The following ARHGAP12 variants were observed in gnomAD, a reference collection of about 807,000 sequenced individuals.
The protein encoded by ARHGAP12 is Rho GTPase activating protein 12.
Under a neutral mutation model 108.6 loss-of-function variants are expected in ARHGAP12, and 64 were observed. The observed-to-expected ratio is 0.59, with a 90% CI of 0.48 to 0.73. The LOEUF (loss-of-function observed/expected upper bound fraction) is 0.73, where lower values mean the gene tolerates loss of function less well. Ranked by LOEUF, ARHGAP12 falls within the 30% of genes least tolerant of loss-of-function variation. The probability of loss-of-function intolerance (pLI) is 0.00; values close to 1 mark genes in which losing one functional copy is unlikely to be tolerated. For missense variants in ARHGAP12, 940 were observed against 1,005.9 expected (o/e 0.93, Z 0.89); for synonymous variants, 312 against 337.2 (o/e 0.93, Z 0.82).
chr10:31,925,463 A>G (rs1278514748), intron 1 of ARHGAP12, among the ~76,000 whole-genome samples: 5 of 152,226 alleles, frequency 3.3e-5, no homozygotes, highest in Admixed American at 3.3e-4. Flanking sequence ...TTAGTATGGT[A>G]CATTTGTCAT....
Position 31,858,427 on chromosome 10 carries a change from G to A in ARHGAP12, c.948+2968C>T, listed in dbSNP as rs183648421. Among the ~76,000 whole-genome samples the A allele has an allele frequency of 2.2e-3, 331 of 151,984 alleles. 2 individuals are homozygous for A. The highest frequency in any genetic ancestry group is 6.8e-3 in the Middle Eastern group (2 of 292). ...TTTACACTATGCATAGACTAACTAC[G>A]CATGCTAAAGCTGGGCATGGTGGCC... On this transcript the variant is annotated intron_variant, in intron 4 of 19. Coordinates refer to ENST00000344936, the MANE Select transcript of ARHGAP12 (RefSeq NM_018287.7).
At chr10:31,895,938 AG>A (rs1466338023) in intron 3 of ARHGAP12, among the ~76,000 whole-genome samples, 1 of 152,182 alleles carries the variant, frequency 6.6e-6, no homozygotes, top group African/African-American at 2.4e-5. Context: ...TGTCCTTTGT[AG>A]GGACATGGAT....
intron 6 of ARHGAP12, among the ~76,000 whole-genome samples, chr10:31,846,906 T>TA (rs1165217238): frequency 6.7e-6 from 1 of 148,658 alleles, no homozygotes; most frequent in Non-Finnish European, 1.5e-5. Flanking sequence ...TTCATTTTTT[T>TA]TTTTTTTTTT....
intron 3 of ARHGAP12, among the ~76,000 whole-genome samples, chr10:31,888,364 C>G (rs1193666255): frequency 6.6e-6 from 1 of 152,170 alleles, no homozygotes; most frequent in African/African-American, 2.4e-5. Context: ...CAAGCCAAGA[C>G]AGACTCTTTC....
chr10:31,901,559 G>A (rs1262821538), intron 3 of ARHGAP12, among the ~76,000 whole-genome samples: 50 of 118,924 alleles, frequency 4.2e-4, no homozygotes, highest in African/African-American at 1.7e-3. Flanking sequence ...AAAAAAAAAA[G>A]TTTGAAACTA....
rs1835607687 is a variant in ARHGAP12, at chr10:31,826,387, T to G, written c.1449-2A>C. ...GCCCAAGAAGACAACCAGTTCTTTC[T>G]GTAATTATAAAGATGACCGATTAAA... On this transcript the variant is annotated splice_acceptor_variant, in intron 10 of 19. Transcript: ENST00000344936. LOFTEE classifies it high-confidence loss of function. 1 of 1,607,582 alleles carries G rather than the reference T, an allele frequency of 6.2e-7. No homozygotes were observed. The highest frequency in any genetic ancestry group is 8.5e-7 in the Non-Finnish European group (1 of 1,177,438).
chr10:31,908,995 A>G (rs917961815), intron 2 of ARHGAP12, 69 bp from the exon 3 acceptor site: 45 of 828,336 alleles, frequency 5.4e-5, no homozygotes, highest in Non-Finnish European at 8.0e-5. Flanking sequence ...GTATTTACTC[A>G]CAAGCATCAT....
chr10:31,897,306 C>T (rs1838740336), intron 3 of ARHGAP12, among the ~76,000 whole-genome samples: 1 of 152,058 alleles, frequency 6.6e-6, no homozygotes, highest in Non-Finnish European at 1.5e-5. Flanking sequence ...CCTGGTCTTG[C>T]CTAAGGGAAA....
intron 3 of ARHGAP12, among the ~76,000 whole-genome samples, chr10:31,886,445 T>C (rs1838192997): frequency 6.6e-6 from 1 of 152,178 alleles, no homozygotes; most frequent in Non-Finnish European, 1.5e-5. Context: ...CTTTGGCCTT[T>C]AAATATAACA....
intron 10 of ARHGAP12, among the ~76,000 whole-genome samples, chr10:31,831,524 C>T (rs1835833903): frequency 6.6e-6 from 1 of 152,032 alleles, no homozygotes; most frequent in African/African-American, 2.4e-5. Context: ...GAACCCTCTG[C>T]CTCATTACCT....
At chr10:31,886,751 GA>G (rs919280935) in intron 3 of ARHGAP12, among the ~76,000 whole-genome samples, 1 of 152,082 alleles carries the variant, frequency 6.6e-6, no homozygotes, top group Non-Finnish European at 1.5e-5. Context: ...TGATTCTGAT[GA>G]AACTGTCAAT....
At chr10:31,927,547 A>G (rs1840101058) in intron 1 of ARHGAP12, among the ~76,000 whole-genome samples, 1 of 152,192 alleles carries the variant, frequency 6.6e-6, no homozygotes, top group South Asian at 2.1e-4. Context: ...AATAGTCGAT[A>G]AAATCTACTT....
Position 31,807,538 on chromosome 10 carries a change from A to C in ARHGAP12, c.*120T>G. ...CTCTCCCCTTCCCTTCTGATCCCTC[A>C]AAAAAAAAGTGCAAAATCAAAGAGT... is the stretch of plus-strand genomic sequence containing the variant. On this transcript the variant is annotated 3_prime_UTR_variant, in exon 20 of 20. Coordinates refer to ENST00000344936, the MANE Select transcript of ARHGAP12 (RefSeq NM_018287.7). 1.2e-6 allele frequency: 1 copy of C among 863,738 alleles called. No individual in the cohort carries two copies. Among genetic ancestry groups the C allele is most frequent in the South Asian group, 2.4e-5 (1 of 41,232 alleles). 53.5% of individuals were successfully genotyped at this position (863,738 alleles called of 1,614,324 possible).
chr10:31,887,670 T>TG (rs1356502681), intron 3 of ARHGAP12, among the ~76,000 whole-genome samples: 1 of 150,700 alleles, frequency 6.6e-6, no homozygotes, highest in Non-Finnish European at 1.5e-5. Flanking sequence ...TGTTTTTTTT[T>TG]TTTTTGAGAT....
chr10:31,883,492 G>T (rs1167530600), intron 3 of ARHGAP12, among the ~76,000 whole-genome samples: 1 of 152,090 alleles, frequency 6.6e-6, no homozygotes, highest in African/African-American at 2.4e-5. Context: ...ACATAGTAGA[G>T]GTATTTTTAA....
chr10:31,839,556 T>C (rs1836169807), intron 8 of ARHGAP12, 81 bp downstream of exon 8: 4 of 1,311,954 alleles, frequency 3.0e-6, no homozygotes, highest in Middle Eastern at 2.3e-4. Context: ...CATTTAAACA[T>C]TACATTAAGA....
At chr10:31,886,482 T>C (rs1838195277) in intron 3 of ARHGAP12, among the ~76,000 whole-genome samples, 1 of 152,144 alleles carries the variant, frequency 6.6e-6, no homozygotes, top group Non-Finnish European at 1.5e-5. Context: ...AATCATAGAT[T>C]TAAGCACATG....
intron 1 of ARHGAP12, among the ~76,000 whole-genome samples, chr10:31,922,856 G>A (rs1033049307): frequency 5.9e-5 from 9 of 152,064 alleles, no homozygotes; most frequent in Non-Finnish European, 1.3e-4. Context: ...GGTTAGGCAA[G>A]GTAGCTCACA....
chr10:31,878,896 T>C (rs1424584261), intron 3 of ARHGAP12, among the ~76,000 whole-genome samples: 2 of 152,260 alleles, frequency 1.3e-5, no homozygotes, highest in Non-Finnish European at 2.9e-5. Context: ...GATGAATATG[T>C]ATTGTTCTTC....
Sources: gnomAD v4.1 joint callset for allele counts (sites outside exome capture counted in the v4.1 genomes callset) on GRCh38, gnomAD v4.1.1 for gene constraint, MANE v1.5 for transcripts, NCBI Gene and HGNC (gene_info 2026-07-23, HGNC 2026-07-21) for gene names.